Variants in CUBN observed in about 807,000 individuals in gnomAD.
CUBN encodes the protein 460 kDa receptor.
In CUBN, 282 loss-of-function variants were observed where a neutral mutation model predicts 405.3. The ratio of observed to expected loss-of-function variants is 0.70; its 90% confidence interval spans 0.63 to 0.77. The LOEUF (loss-of-function observed/expected upper bound fraction) is 0.77, where lower values mean the gene tolerates loss of function less well. CUBN is among the 30% of genes least tolerant of loss of function. CUBN has a pLI of 0.00. For synonymous variants in CUBN, 1,684 were observed against 1,617.0 expected (o/e 1.04, Z -0.99); for missense variants, 4,514 against 4,475.2 (o/e 1.01, Z -0.25).
intron 39 of CUBN, among the ~76,000 whole-genome samples, chr10:16,935,907 A>T (rs1258788034): frequency 6.6e-6 from 1 of 151,476 alleles, no homozygotes; most frequent in Non-Finnish European, 1.5e-5. Flanking sequence ...GAAAAAAAAA[A>T]AGAAAGAAAT....
rs1450834246 is a variant in CUBN at position 16,910,355 on chromosome 10, T to C, written c.7534-2676A>G. Among the ~76,000 whole-genome samples, 4 of 152,202 alleles carry C rather than the reference T, an allele frequency of 2.6e-5. No homozygotes were observed. In the East Asian group the frequency reaches 7.7e-4, roughly 29 times the overall value. Reference sequence around the variant, plus strand: ...GGGCAAAGGCCAACCCACATGCCCTTGTTTGGAGCAGGGTAAAGAGGAACC... The same window carrying C: ...GGGCAAAGGCCAACCCACATGCCCTCGTTTGGAGCAGGGTAAAGAGGAACC... On this transcript the variant is annotated intron_variant, in intron 48 of 66. Coordinates refer to ENST00000377833, the MANE Select transcript of CUBN (RefSeq NM_001081.4).
At chr10:16,863,469 T>C (rs1459107553) in intron 59 of CUBN, among the ~76,000 whole-genome samples, 3 of 152,212 alleles carry the variant, frequency 2.0e-5, no homozygotes, top group Non-Finnish European at 4.4e-5. Context: ...TTATTCAAGT[T>C]ATAATTCAAC....
intron 44 of CUBN, 133 bp downstream of exon 44, chr10:16,919,830 C>A: frequency 1.0e-6 from 1 of 985,922 alleles, no homozygotes; most frequent in Non-Finnish European, 1.6e-6. Context: ...CAGGCCTGAG[C>A]CATTAAGCAT....
rs558983351 is a variant in CUBN at position 16,876,620 on chromosome 10, A to AAT, written c.9106+275_9106+276dup. ...TTGTGTAAGGTAAGAAAAACAAAAA[A>AAT]ATAGCAGTAGTATTTATTTAAATTA... On this transcript the variant is annotated intron_variant, in intron 57 of 66. Coordinates refer to ENST00000377833, the MANE Select transcript of CUBN (RefSeq NM_001081.4). Among the ~76,000 whole-genome samples, 306 of 152,330 alleles carry AAT rather than the reference A, an allele frequency of 2.0e-3. 1 individual carries two copies. The highest frequency in any genetic ancestry group is 6.9e-3 in the African/African-American group (287 of 41,578).
intron 51 of CUBN, among the ~76,000 whole-genome samples, chr10:16,903,725 T>C (rs2131429329): frequency 6.7e-6 from 1 of 148,490 alleles, no homozygotes; most frequent in East Asian, 1.9e-4. Flanking sequence ...TTTAAAATTA[T>C]GCAGTTTATT....
At chr10:17,111,327 A>T (rs1341289196) in intron 8 of CUBN, among the ~76,000 whole-genome samples, 1 of 152,186 alleles carries the variant, frequency 6.6e-6, no homozygotes, top group African/African-American at 2.4e-5. Context: ...AAATTTTTAA[A>T]ATACATAGAC....
In CUBN at chr10:17,111,054, G is replaced by T. The variant is rs759128276; in HGVS notation, c.884-4C>A. 27 of 1,614,012 alleles carry T rather than the reference G, an allele frequency of 1.7e-5. No homozygotes were observed. The highest frequency in any genetic ancestry group is 2.3e-5 in the Non-Finnish European group (27 of 1,179,970). On this transcript the variant is annotated splice_polypyrimidine_tract_variant and splice_region_variant and intron_variant, in intron 8 of 66. Transcript: ENST00000377833. ...ATATATCCATTGCCTTGCCAGCCTA[G>T]GAAAACAAGAGGATTTAAAAGTTTA...
chr10:17,079,444 G>C (rs1835923331), intron 17 of CUBN, among the ~76,000 whole-genome samples: 1 of 151,412 alleles, frequency 6.6e-6, no homozygotes, highest in South Asian at 2.1e-4. Flanking sequence ...ACACCACGTT[G>C]GCCAGGCTGG....
chr10:16,971,750 T>C (rs6602169), intron 31 of CUBN, among the ~76,000 whole-genome samples: 9,840 of 152,190 alleles, frequency 0.065, 1,124 homozygotes, highest in African/African-American at 0.23. Context: ...CGCCTGGCTC[T>C]CACATTCAGC....
At chr10:16,905,637 C>T (rs1205109798) in intron 50 of CUBN, among the ~76,000 whole-genome samples, 4 of 152,128 alleles carry the variant, frequency 2.6e-5, no homozygotes, top group Admixed American at 6.5e-5. Flanking sequence ...TGCCGGGAAA[C>T]GAAGTGACTG....
rs754355250 is a variant in CUBN at position 17,122,829 on chromosome 10, C to T, written c.559G>A (p.Gly187Arg). 1 of 1,613,256 alleles carries T rather than the reference C, an allele frequency of 6.2e-7. No homozygotes were observed. Among genetic ancestry groups the T allele is most frequent in the Non-Finnish European group, 8.5e-7 (1 of 1,179,684 alleles). ...YSGTPLSCQN[G>R]GTCVNTMGSY... ...CCCATTGTATTAACACATGTGCCTCCATTCTGGCAGCTCAAGGGTGTTCCT... is the reference window on the plus strand; with the variant it reads ...CCCATTGTATTAACACATGTGCCTCTATTCTGGCAGCTCAAGGGTGTTCCT... Residue 187 changes from glycine to arginine, a missense_variant, in exon 6 of 67, where the codon GGA (glycine) becomes AGA (arginine). Around this residue, in one of 5 missense-constraint regions of CUBN, gnomAD observed 1,448 missense variants for 1,388.0 expected, o/e 1.04. Transcript: ENST00000377833.
At chr10:16,909,764 G>T (rs1008667416) in intron 48 of CUBN, among the ~76,000 whole-genome samples, 6 of 152,222 alleles carry the variant, frequency 3.9e-5, no homozygotes. Context: ...TTTGTACTTA[G>T]AAACTACAAC....
At chr10:16,891,532 G>A (rs1841005565) in intron 54 of CUBN, among the ~76,000 whole-genome samples, 1 of 152,072 alleles carries the variant, frequency 6.6e-6, no homozygotes, top group Admixed American at 6.5e-5. Context: ...ATACAGCAAG[G>A]AGCCACCAAG....
chr10:17,063,330 G>T (rs1835542885), intron 22 of CUBN, among the ~76,000 whole-genome samples: 1 of 152,136 alleles, frequency 6.6e-6, no homozygotes, highest in Non-Finnish European at 1.5e-5. Context: ...GACCAGCCGG[G>T]CTCAGCCCAG....
chr10:17,033,715 T>C (rs948332993), intron 27 of CUBN, among the ~76,000 whole-genome samples: 4 of 152,246 alleles, frequency 2.6e-5, no homozygotes, highest in African/African-American at 9.6e-5. Flanking sequence ...CCCCTTCCTT[T>C]GGTTTCATGA....
chr10:17,007,261 A>T (rs1048831629), intron 28 of CUBN, among the ~76,000 whole-genome samples: 1 of 143,452 alleles, frequency 7.0e-6, no homozygotes. Flanking sequence ...GCTGAATACC[A>T]TGAACCGATT....
At chr10:17,081,570 T>C (rs545994554) in intron 17 of CUBN, among the ~76,000 whole-genome samples, 1 of 152,338 alleles carries the variant, frequency 6.6e-6, no homozygotes, top group East Asian at 1.9e-4. Context: ...TATTGAGTCA[T>C]AATAATGTCA....
intron 59 of CUBN, among the ~76,000 whole-genome samples, chr10:16,864,657 C>CTTT (rs58100254): frequency 1.6e-4 from 19 of 121,454 alleles, no homozygotes; most frequent in African/African-American, 5.0e-4. Context: ...TTTTTTCTTT[C>CTTT]TTTTTTTTTT....
intron 27 of CUBN, among the ~76,000 whole-genome samples, chr10:17,023,034 C>T (rs1343980534): frequency 6.6e-6 from 1 of 152,200 alleles, no homozygotes; most frequent in Non-Finnish European, 1.5e-5. Context: ...AACAGCATAG[C>T]ATTTTTGCCT....
Sources: gnomAD v4.1 joint callset for allele counts (sites outside exome capture counted in the v4.1 genomes callset) on GRCh38, gnomAD v4.1.1 for gene constraint, gnomAD v4.1.1 regional missense constraint, MANE v1.5 for transcripts, NCBI Gene and HGNC (gene_info 2026-07-23, HGNC 2026-07-21) for gene names.